Variants in CYP39A1 observed in about 807,000 individuals in gnomAD.
CYP39A1 encodes the protein cytochrome P450 family 39 subfamily A member 1.
CYP39A1 carries 49 observed loss-of-function variants against 58.1 expected under a neutral mutation model. The observed-to-expected ratio is 0.84, with a 90% CI of 0.67 to 1.07. The LOEUF (loss-of-function observed/expected upper bound fraction) is 1.07. CYP39A1 is among the 50% of genes least tolerant of loss of function. CYP39A1 has a pLI of 0.00. For missense variants in CYP39A1, 531 were observed against 539.4 expected (o/e 0.98, Z 0.16); for synonymous variants, 209 against 187.6 (o/e 1.11, Z -0.93).
intron 9 of CYP39A1, among the ~76,000 whole-genome samples, chr6:46,587,823 A>T (rs1185762586): frequency 6.6e-6 from 1 of 152,148 alleles, no homozygotes; most frequent in Non-Finnish European, 1.5e-5. Context: ...AAGTTAGAGA[A>T]GTTTACTACA....
chr6:46,600,605 A>G (rs909372021), intron 7 of CYP39A1, among the ~76,000 whole-genome samples: 10 of 152,210 alleles, frequency 6.6e-5, no homozygotes, highest in African/African-American at 2.2e-4. Flanking sequence ...GAATTAATCA[A>G]TCATGCCTTT....
chr6:46,646,539 C>T (rs892989995), intron 1 of CYP39A1, among the ~76,000 whole-genome samples: 7 of 151,956 alleles, frequency 4.6e-5, no homozygotes, highest in African/African-American at 1.7e-4. Context: ...TTTTTCCGTA[C>T]TATCTGTGGT....
At chr6:46,586,461 C>T (rs1446758214) in intron 10 of CYP39A1, 12 of 975,000 alleles carry the variant, frequency 1.2e-5, no homozygotes, top group Non-Finnish European at 1.5e-5. Flanking sequence ...TAGAAGAGGG[C>T]CTGGCACAGA....
chr6:46,596,748 G>T (rs187517210), intron 7 of CYP39A1, among the ~76,000 whole-genome samples: 71 of 152,082 alleles, frequency 4.7e-4, no homozygotes, highest in African/African-American at 1.6e-3. Context: ...GGAGGGGGTG[G>T]GGTGGACGAA....
chr6:46,561,865 T>C (rs1052449387), intron 10 of CYP39A1, among the ~76,000 whole-genome samples: 2 of 152,090 alleles, frequency 1.3e-5, no homozygotes, highest in Admixed American at 6.6e-5. Context: ...TAGAAATAAT[T>C]AGAAATAGTG....
chr6:46,555,769 T>C lies in CYP39A1; in HGVS notation c.1251-1915A>G, dbSNP rs374729415. ...CTCATATTCATATCAAATAATTAGA[T>C]TTTTCTGCACTACTGTTCTTGAAAC... On this transcript the variant is annotated intron_variant, in intron 10 of 11. Coordinates refer to ENST00000275016, the MANE Select transcript of CYP39A1 (RefSeq NM_016593.5). Among the ~76,000 whole-genome samples, 5 of 152,234 alleles carry C rather than the reference T, an allele frequency of 3.3e-5. No homozygotes were observed. The South Asian group carries it at 6.2e-4, about 19-fold the overall frequency.
At chr6:46,575,436 C>T (rs1182630221) in intron 10 of CYP39A1, among the ~76,000 whole-genome samples, 1 of 152,232 alleles carries the variant, frequency 6.6e-6, no homozygotes, top group Non-Finnish European at 1.5e-5. Flanking sequence ...CAACCACATG[C>T]AGCCCAGCCT....
intron 10 of CYP39A1, among the ~76,000 whole-genome samples, chr6:46,554,524 A>G (rs1770570083): frequency 6.6e-6 from 1 of 152,218 alleles, no homozygotes; most frequent in Non-Finnish European, 1.5e-5. Context: ...AGCATGCCCT[A>G]CAATATATTG....
intron 10 of CYP39A1, among the ~76,000 whole-genome samples, chr6:46,560,076 A>G (rs1391314907): frequency 6.6e-6 from 1 of 152,186 alleles, no homozygotes; most frequent in African/African-American, 2.4e-5. Flanking sequence ...CTCTCTGATG[A>G]GGTGACATTT....
chr6:46,613,516 T>C (rs1774339865), intron 7 of CYP39A1, among the ~76,000 whole-genome samples: 1 of 152,244 alleles, frequency 6.6e-6, no homozygotes. Flanking sequence ...TTCTATTAAT[T>C]AATCTGGTTC....
chr6:46,607,294 A>C (rs1179309486), intron 7 of CYP39A1, among the ~76,000 whole-genome samples: 1 of 152,076 alleles, frequency 6.6e-6, no homozygotes, highest in African/African-American at 2.4e-5. Flanking sequence ...CTAAGCCTGG[A>C]AGGATGGGTT....
chr6:46,583,430 T>G (rs978870551), intron 10 of CYP39A1: 1 of 985,212 alleles, frequency 1.0e-6, no homozygotes. Flanking sequence ...TCAAAGAAGT[T>G]TTCCTCCACA....
intron 10 of CYP39A1, among the ~76,000 whole-genome samples, chr6:46,573,743 G>A (rs1235120746): frequency 1.3e-5 from 2 of 152,174 alleles, no homozygotes; most frequent in Admixed American, 6.5e-5. Flanking sequence ...GGAGAACAGG[G>A]CCATAATTCT....
intron 7 of CYP39A1, among the ~76,000 whole-genome samples, chr6:46,610,298 T>C (rs1774133860): frequency 6.6e-6 from 1 of 152,206 alleles, no homozygotes; most frequent in Admixed American, 6.5e-5. Flanking sequence ...TAATAACTTA[T>C]TAAAATCTGG....
At chr6:46,634,523 G>GTTTTTTTTT (rs530045412) in intron 5 of CYP39A1, among the ~76,000 whole-genome samples, 1 of 131,028 alleles carries the variant, frequency 7.6e-6, no homozygotes. Context: ...TTTTCTTTTT[G>GTTTTTTTTT]CTTTTTTTTT....
At chr6:46,650,383 C>CT (rs34431587) in intron 1 of CYP39A1, among the ~76,000 whole-genome samples, 118,944 of 145,878 alleles carry the variant, frequency 0.82, 48,722 homozygotes, top group African/African-American at 0.92. Context: ...AGCACTCTGG[C>CT]TTTTTTTTTT....
In CYP39A1 at chr6:46,550,285, T is replaced by C. The variant is rs1409703689; in HGVS notation, c.*81A>G. 2.7e-6 allele frequency: 3 copies of C among 1,104,930 alleles called. No individual in the cohort carries two copies. The highest frequency in any genetic ancestry group is 4.0e-6 in the Non-Finnish European group (3 of 750,986). 68.4% of individuals were successfully genotyped at this position (1,104,930 alleles called of 1,614,324 possible). ...AACAAAGTGAAGCAGTGTGTTTTTG[T>C]AGAGCTCAGGTCTAGGTGCTGCCAG... On this transcript the variant is annotated 3_prime_UTR_variant, in exon 12 of 12. Transcript: ENST00000275016.
Position 46,635,738 on chromosome 6 carries a change from T to C in CYP39A1, c.732+651A>G, listed in dbSNP as rs563540677. ...CCTGGCTAATTTTTTATATATATAATTATTTGTAGAGACCAGGTCTTGCTA... is the reference window on the plus strand; with the variant it reads ...CCTGGCTAATTTTTTATATATATAACTATTTGTAGAGACCAGGTCTTGCTA... On this transcript the variant is annotated intron_variant, in intron 5 of 11. Transcript: ENST00000275016. 2.0e-5 allele frequency among the ~76,000 whole-genome samples: 3 copies of C among 152,156 alleles called. No homozygotes were observed. In the East Asian group the frequency reaches 5.8e-4, roughly 29 times the overall value.
chr6:46,635,696 A>C (rs947608377), intron 5 of CYP39A1, among the ~76,000 whole-genome samples: 2 of 152,190 alleles, frequency 1.3e-5, no homozygotes, highest in African/African-American at 2.4e-5. Context: ...CCGGTACCAC[A>C]GGTGTGTGCA....
Sources: allele counts gnomAD v4.1 joint callset (sites outside exome capture counted in the v4.1 genomes callset), GRCh38; gene constraint gnomAD v4.1.1; transcripts MANE v1.5; gene names NCBI Gene and HGNC (gene_info 2026-07-23, HGNC 2026-07-21).